The following VTI1A variants were observed in gnomAD, a reference collection of about 807,000 sequenced individuals.
The protein encoded by VTI1A is vesicle transport through interaction with t-SNAREs 1A.
VTI1A carries 22 observed loss-of-function variants against 34.9 expected under a neutral mutation model. That is an observed-to-expected ratio of 0.63 (90% CI 0.45 to 0.90). The LOEUF (loss-of-function observed/expected upper bound fraction) is 0.90. Ranked by LOEUF, VTI1A falls within the 40% of genes least tolerant of loss-of-function variation. The probability of loss-of-function intolerance (pLI) is 0.00; values close to 1 mark genes in which losing one functional copy is unlikely to be tolerated. For missense variants in VTI1A, 268 were observed against 275.6 expected, an observed-to-expected ratio of 0.97 and a Z score of 0.20; for synonymous variants, 87 against 97.3, an observed-to-expected ratio of 0.89 and a Z score of 0.62.
chr10:112,572,691 A>T (rs1852178728), intron 5 of VTI1A, among the ~76,000 whole-genome samples: 3 of 152,054 alleles, frequency 2.0e-5, no homozygotes, highest in Non-Finnish European at 4.4e-5. Flanking sequence ...ACAAAAAATT[A>T]GCCGGGCGCG....
chr10:112,543,063 A>C (rs1850929363), intron 5 of VTI1A, among the ~76,000 whole-genome samples: 1 of 152,172 alleles, frequency 6.6e-6, no homozygotes, highest in Non-Finnish European at 1.5e-5. Flanking sequence ...ACATTTTCTT[A>C]ATCCAGTCTA....
the VTI1A span, chr10:112,827,203 C>G: frequency 5.9e-5 from 9 of 152,236 alleles, no homozygotes; most frequent in Non-Finnish European, 1.3e-4. Context: ...TCACATTAAA[C>G]TGAGATCGGC....
chr10:112,832,355 C>T, the VTI1A span: 3 of 152,176 alleles, frequency 2.0e-5, no homozygotes, highest in Admixed American at 1.3e-4. Context: ...TTAGTGGGCT[C>T]TTAGTTAGGC....
chr10:112,673,468 G>GCGCACACACACACA lies in VTI1A; in HGVS notation c.560+4471_560+4472insGCACACACACACAC, dbSNP rs1554938762. Among the ~76,000 whole-genome samples, 487 of 151,666 alleles carry GCGCACACACACACA rather than the reference G, an allele frequency of 3.2e-3. 3 individuals carry two copies. Among genetic ancestry groups the GCGCACACACACACA allele is most frequent in the African/African-American group, 0.011 (437 of 41,442 alleles). On this transcript the variant is annotated intron_variant, in intron 7 of 7. Coordinates refer to ENST00000393077, the MANE Select transcript of VTI1A (RefSeq NM_145206.4). ...TTCACACACATGCGCGCGTGCGCGC[G>GCGCACACACACACA]CACACACACACACACGCACTCAGAT...
intron 7 of VTI1A, among the ~76,000 whole-genome samples, chr10:112,791,878 A>G (rs748513319): frequency 6.6e-6 from 1 of 151,860 alleles, no homozygotes; most frequent in African/African-American, 2.4e-5. Context: ...TGAGGGAAAC[A>G]CTTTCAAATA....
intron 7 of VTI1A, among the ~76,000 whole-genome samples, chr10:112,741,314 G>A (rs1209342778): frequency 6.6e-6 from 1 of 152,152 alleles, no homozygotes; most frequent in African/African-American, 2.4e-5. Flanking sequence ...AATTATCTGA[G>A]CATGGTGGCA....
At chr10:112,531,478 C>CAAAAAAAAAA (rs1407152404) in intron 4 of VTI1A, among the ~76,000 whole-genome samples, 1 of 38,204 alleles carries the variant, frequency 2.6e-5, no homozygotes, top group African/African-American at 1.0e-4. Context: ...CCGGCCTAAG[C>CAAAAAAAAAA]AAAGAAAAAA....
At chr10:112,464,787 T>A (rs1374131940) in intron 3 of VTI1A, 130 bp downstream of exon 3, 5 of 749,672 alleles carry the variant, frequency 6.7e-6, no homozygotes, top group Non-Finnish European at 1.1e-5. Context: ...TCATTCTTTA[T>A]GAGTTAGGGA....
the VTI1A span, among the ~76,000 whole-genome samples, chr10:112,835,657 A>G: frequency 3.9e-5 from 6 of 152,268 alleles, no homozygotes; most frequent in East Asian, 1.2e-3. Context: ...CTTTGTTATT[A>G]TCTGAGTAGC....
At chr10:112,538,389 A>C in intron 5 of VTI1A, 59 bp downstream of exon 5, 3 of 1,495,922 alleles carry the variant, frequency 2.0e-6, no homozygotes, top group East Asian at 2.3e-5. Flanking sequence ...TTCACAACAC[A>C]TGACATTTCA....
At chr10:112,645,873 C>T (rs1271901394) in intron 5 of VTI1A, among the ~76,000 whole-genome samples, 1 of 151,220 alleles carries the variant, frequency 6.6e-6, no homozygotes, top group Non-Finnish European at 1.5e-5. Flanking sequence ...ATCCATCTAT[C>T]CATCCATCCT....
At chr10:112,761,334 GT>G (rs1851456355) in intron 7 of VTI1A, among the ~76,000 whole-genome samples, 1 of 152,160 alleles carries the variant, frequency 6.6e-6, no homozygotes, top group Non-Finnish European at 1.5e-5. Flanking sequence ...GGTAAGGTTT[GT>G]TTTAATTTCG....
chr10:112,631,699 G>A (rs978747534), intron 5 of VTI1A, among the ~76,000 whole-genome samples: 9 of 152,286 alleles, frequency 5.9e-5, no homozygotes, highest in South Asian at 2.1e-4. Flanking sequence ...TATTTTGCTC[G>A]TCTGTAAAGG....
intron 7 of VTI1A, among the ~76,000 whole-genome samples, chr10:112,772,938 C>A (rs1851856188): frequency 6.6e-6 from 1 of 152,158 alleles, no homozygotes; most frequent in Admixed American, 6.5e-5. Context: ...CAATAGAATG[C>A]CACTTAGCTT....
At chr10:112,699,417 G>C (rs1848910804) in intron 7 of VTI1A, among the ~76,000 whole-genome samples, 6 of 152,222 alleles carry the variant, frequency 3.9e-5, no homozygotes, top group Admixed American at 3.9e-4. Context: ...ACATGGAGGA[G>C]AGCTGAGAAA....
intron 4 of VTI1A, among the ~76,000 whole-genome samples, chr10:112,531,063 T>TCTCACA (rs373147026): frequency 1.4e-5 from 2 of 139,844 alleles, no homozygotes; most frequent in Non-Finnish European, 3.1e-5. Flanking sequence ...GTGACACACC[T>TCTCACA]CACACACACA....
chr10:112,498,908 A>G (rs1193452409), intron 3 of VTI1A, among the ~76,000 whole-genome samples: 3 of 152,008 alleles, frequency 2.0e-5, no homozygotes, highest in Non-Finnish European at 4.4e-5. Flanking sequence ...AAATTATTCT[A>G]TTTTCACCAC....
intron 3 of VTI1A, among the ~76,000 whole-genome samples, chr10:112,511,531 C>T (rs186029457): frequency 5.3e-4 from 81 of 152,198 alleles, no homozygotes; most frequent in Non-Finnish European, 1.1e-3. Flanking sequence ...CATGAGCCAC[C>T]GTGCCTGGCT....
chr10:112,636,781 G>A (rs993571939), intron 5 of VTI1A, among the ~76,000 whole-genome samples: 1 of 150,890 alleles, frequency 6.6e-6, no homozygotes, highest in South Asian at 2.1e-4. Context: ...TTGTTCTTTG[G>A]TGTATTACTA....
Sources: allele counts gnomAD v4.1 joint callset (sites outside exome capture counted in the v4.1 genomes callset), GRCh38; gene constraint gnomAD v4.1.1; transcripts MANE v1.5; gene names NCBI Gene and HGNC (gene_info 2026-07-23, HGNC 2026-07-21).